DYNC2H1: variants seen among roughly 807,000 people sequenced by gnomAD.
DYNC2H1 encodes dynein cytoplasmic 2 heavy chain 1, also known as cytoplasmic dynein 2 heavy chain 1.
In DYNC2H1, 410 loss-of-function variants were observed where a neutral mutation model predicts 570.0. That is an observed-to-expected ratio of 0.72 (90% CI 0.66 to 0.78). DYNC2H1 has a LOEUF of 0.78. DYNC2H1 is among the 30% of genes least tolerant of loss of function. The probability of loss-of-function intolerance (pLI) is 0.00; values close to 1 mark genes in which losing one functional copy is unlikely to be tolerated. For missense variants in DYNC2H1, 4,865 were observed against 5,046.4 expected, an observed-to-expected ratio of 0.96 and a Z score of 1.09; for synonymous variants, 1,688 against 1,677.6, an observed-to-expected ratio of 1.01 and a Z score of -0.15.
Position 103,186,412 on chromosome 11 carries a change from G to A in DYNC2H1, c.6804G>A (p.Met2268Ile). Residue 2268 changes from methionine to isoleucine, a missense_variant, in exon 42 of 89, where the codon ATG becomes ATA. By Grantham distance (10) the Met-to-Ile change is conservative (BLOSUM62 1). This residue lies in a region of DYNC2H1 where 2,401 missense variants were observed against 2,454.6 expected (regional missense o/e 0.98). Transcript: ENST00000375735. This position sits in a 1 kb window ranked among gnomAD's most constrained non-coding sequence, Gnocchi z 4.5. ...LTLPVIQTPDMQRGLDYFKPW... is the reference protein window; with the variant it reads ...LTLPVIQTPDIQRGLDYFKPW... ...TTCCAGTCATTCAGACTCCTGACAT[G>A]CAACGAGGTCTAGATTATTTCAAAC... 6.2e-7 allele frequency: 1 copy of A among 1,612,808 alleles called. No individual in the cohort carries two copies. Among genetic ancestry groups the A allele is most frequent in the Non-Finnish European group, 8.5e-7 (1 of 1,179,194 alleles).
chr11:103,187,189 A>G, intron 42 of DYNC2H1, 151 bp from the exon 43 acceptor site: 2 of 1,093,762 alleles, frequency 1.8e-6, no homozygotes, highest in Non-Finnish European at 2.6e-6. Flanking sequence ...TTTGATAGTT[A>G]TGGAAGCCAT....
intron 11 of DYNC2H1, among the ~76,000 whole-genome samples, chr11:103,124,049 A>G (rs1473221638): frequency 1.3e-5 from 2 of 152,094 alleles, no homozygotes; most frequent in African/African-American, 2.4e-5. Context: ...TTTTTATTAT[A>G]TTTTGTTTTA....
At chr11:103,281,524 G>C (rs1196444542) in intron 71 of DYNC2H1, among the ~76,000 whole-genome samples, 1 of 151,890 alleles carries the variant, frequency 6.6e-6, no homozygotes, top group Non-Finnish European at 1.5e-5. Context: ...AGTGAAGCCA[G>C]AAAATATGTT....
At chr11:103,365,673 A>AGCACTAT (rs1367958167) in intron 83 of DYNC2H1, among the ~76,000 whole-genome samples, 3 of 152,222 alleles carry the variant, frequency 2.0e-5, no homozygotes, top group African/African-American at 7.2e-5. Flanking sequence ...AAGTAGATAT[A>AGCACTAT]GCACTATAAT....
intron 55 of DYNC2H1, among the ~76,000 whole-genome samples, chr11:103,218,887 C>T (rs942968586): frequency 6.6e-6 from 1 of 152,138 alleles, no homozygotes; most frequent in African/African-American, 2.4e-5. Context: ...AAAGCACTGT[C>T]TGAAGAGATA....
intron 13 of DYNC2H1, among the ~76,000 whole-genome samples, chr11:103,132,163 G>A (rs1050249473): frequency 2.6e-5 from 4 of 151,772 alleles, no homozygotes; most frequent in Non-Finnish European, 4.4e-5. Context: ...TGTCTCAAGG[G>A]CCTCTGTTCA....
At chr11:103,213,690 TTC>T (rs1863254729) in intron 54 of DYNC2H1, among the ~76,000 whole-genome samples, 1 of 152,178 alleles carries the variant, frequency 6.6e-6, no homozygotes, top group Non-Finnish European at 1.5e-5. Context: ...GTTGTTGTTG[TTC>T]AGTTGTTTGA....
intron 80 of DYNC2H1, among the ~76,000 whole-genome samples, chr11:103,318,258 G>A (rs1242978861): frequency 6.6e-6 from 1 of 152,080 alleles, no homozygotes; most frequent in Non-Finnish European, 1.5e-5. Flanking sequence ...AACATTATAA[G>A]TACCACTGAA....
intron 88 of DYNC2H1, among the ~76,000 whole-genome samples, chr11:103,478,753 G>T (rs917738711): frequency 1.3e-5 from 2 of 152,110 alleles, no homozygotes; most frequent in Non-Finnish European, 2.9e-5. Flanking sequence ...ATGAGATAAT[G>T]GATGTGTGAT....
At chr11:103,434,319 C>G (rs1435969666) in intron 84 of DYNC2H1, among the ~76,000 whole-genome samples, 1 of 151,996 alleles carries the variant, frequency 6.6e-6, no homozygotes, top group Non-Finnish European at 1.5e-5. Context: ...CAAGATAAGC[C>G]TTTCTTTCTA....
At chr11:103,347,930 G>T (rs1308759856) in intron 82 of DYNC2H1, among the ~76,000 whole-genome samples, 1 of 152,094 alleles carries the variant, frequency 6.6e-6, no homozygotes, top group African/African-American at 2.4e-5. Flanking sequence ...TTGCTCTCTT[G>T]AAAGGCAGTG....
intron 19 of DYNC2H1, among the ~76,000 whole-genome samples, 195 bp downstream of exon 19, chr11:103,148,082 A>G (rs1426764864): frequency 6.6e-6 from 1 of 152,150 alleles, no homozygotes; most frequent in Non-Finnish European, 1.5e-5. Flanking sequence ...CTGAGCTAGT[A>G]TTAGATTGTT....
rs757717833 is a variant in DYNC2H1 at position 103,181,913 on chromosome 11, T to A, written c.6477+27T>A. 2 of 1,592,474 alleles carry A rather than the reference T, an allele frequency of 1.3e-6. No individual in the cohort carries two copies. The highest frequency in any genetic ancestry group is 2.3e-5 in the South Asian group (2 of 87,518). ...TAAATTAACCATAATATTTCATAAT[T>A]AATCGAGGTGAGAAGTATGATTAAG... is the stretch of plus-strand genomic sequence containing the variant. On this transcript the variant is annotated intron_variant, in intron 40 of 88. Transcript: ENST00000375735. This position sits in a 1 kb window ranked among gnomAD's most constrained non-coding sequence, Gnocchi z 5.0.
At chr11:103,311,619 A>T (rs1022342549) in intron 78 of DYNC2H1, among the ~76,000 whole-genome samples, 3 of 152,028 alleles carry the variant, frequency 2.0e-5, no homozygotes, top group Non-Finnish European at 4.4e-5. Flanking sequence ...ATCCTATAAA[A>T]CTTATTTGGT....
rs143229686 is a variant in DYNC2H1, at chr11:103,326,113, T to C, written c.12039+2123T>C. Among the ~76,000 whole-genome samples, 586 of 152,224 alleles carry C rather than the reference T, an allele frequency of 3.8e-3. 5 individuals carry two copies. The highest frequency in any genetic ancestry group is 0.014 in the African/African-American group (562 of 41,524). On this transcript the variant is annotated intron_variant, in intron 82 of 88. Transcript: ENST00000375735. The surrounding 1 kb of genome is among the most constrained non-coding windows in gnomAD (Gnocchi z 6.1). ...CTATTAGCAGAATAATGTTTAGTGT[T>C]GTAGTTTGGGCTTCAGTCCAATAGA...
At chr11:103,431,066 A>C (rs188665833) in intron 84 of DYNC2H1, among the ~76,000 whole-genome samples, 3 of 152,226 alleles carry the variant, frequency 2.0e-5, no homozygotes, top group African/African-American at 7.2e-5. Flanking sequence ...TAATCACTTA[A>C]TTGAGATTTG....
At chr11:103,193,348 A>G (rs749689727) in intron 47 of DYNC2H1, among the ~76,000 whole-genome samples, 6 of 152,150 alleles carry the variant, frequency 3.9e-5, no homozygotes, top group Non-Finnish European at 8.8e-5. Flanking sequence ...AAATTGAGTC[A>G]GTAGTGTCTC....
intron 63 of DYNC2H1, among the ~76,000 whole-genome samples, chr11:103,240,779 C>T (rs778921848): frequency 1.5e-4 from 23 of 152,078 alleles, no homozygotes; most frequent in South Asian, 4.2e-4. Context: ...AACATTAATC[C>T]GATCATAATA....
intron 83 of DYNC2H1, among the ~76,000 whole-genome samples, chr11:103,383,230 T>A (rs1455036077): frequency 1.3e-5 from 2 of 152,166 alleles, no homozygotes; most frequent in African/African-American, 4.8e-5. Flanking sequence ...TTCCTTTTCC[T>A]CTATTCCTGC....
Sources: gnomAD v4.1 joint callset for allele counts (sites outside exome capture counted in the v4.1 genomes callset) on GRCh38, gnomAD v4.1.1 for gene constraint, gnomAD v4.1.1 regional missense constraint, Gnocchi (gnomAD v3.1) non-coding constraint, MANE v1.5 for transcripts, NCBI Gene and HGNC (gene_info 2026-07-23, HGNC 2026-07-21) for gene names.